The following IKZF4 variants were observed in gnomAD, a reference collection of about 807,000 sequenced individuals.
IKZF4 encodes the protein zinc finger protein Eos.
A neutral mutation model predicts 47.7 loss-of-function variants in IKZF4; 11 were observed. The ratio of observed to expected loss-of-function variants is 0.23; its 90% CI spans 0.15 to 0.38. The LOEUF (loss-of-function observed/expected upper bound fraction) is 0.38, where lower values mean the gene tolerates loss of function less well. Ranked by LOEUF, IKZF4 falls within the 10% of genes least tolerant of loss-of-function variation. IKZF4 has a pLI of 1.00. For missense variants in IKZF4, 557 were observed against 784.9 expected, an observed-to-expected ratio of 0.71 and a Z score of 3.47; for synonymous variants, 298 against 299.4, an observed-to-expected ratio of 1.00 and a Z score of 0.05.
intron 5 of IKZF4, 85 bp from the exon 6 acceptor site, chr12:56,032,476 G>C: frequency 1.5e-6 from 2 of 1,347,240 alleles, no homozygotes; most frequent in Non-Finnish European, 1.0e-6. Context: ...TCCCATGCCA[G>C]TGTATACTTG....
intron 7 of IKZF4, 149 bp downstream of exon 7, chr12:56,033,470 G>T: frequency 5.6e-6 from 5 of 888,262 alleles, no homozygotes; most frequent in Non-Finnish European, 8.8e-6. Flanking sequence ...CACTTTGGGA[G>T]GCCAAGGTGG....
intron 1 of IKZF4, among the ~76,000 whole-genome samples, chr12:56,008,106 C>T (rs1890920343): frequency 6.6e-6 from 1 of 151,804 alleles, no homozygotes; most frequent in South Asian, 2.1e-4. Flanking sequence ...GGTATCTGAA[C>T]AAAAAAAGCG....
intron 3 of IKZF4, 151 bp from the exon 4 acceptor site, chr12:56,026,630 G>A (rs1421288667): frequency 1.5e-5 from 11 of 748,342 alleles, no homozygotes; most frequent in Middle Eastern, 4.0e-4. Flanking sequence ...TGGAGGTTGC[G>A]TCGAGCCAAA....
intron 1 of IKZF4, among the ~76,000 whole-genome samples, chr12:56,023,378 A>T (rs1230141014): frequency 6.6e-6 from 1 of 152,226 alleles, no homozygotes; most frequent in East Asian, 1.9e-4. Context: ...TTGAAAGGAT[A>T]TATTTAAAAC....
chr12:56,037,748 A>C lies in IKZF4; in HGVS notation c.*2417A>C, dbSNP rs1296886329. 6.6e-6 allele frequency: 1 copy of C among 152,436 alleles called. No individual in the cohort carries two copies. The highest frequency in any genetic ancestry group is 2.4e-5 in the African/African-American group (1 of 41,364). The allele number at this position is 152,436 out of a possible 1,614,324, so 9.4% of individuals were successfully genotyped here. On this transcript the variant is annotated 3_prime_UTR_variant, in exon 8 of 8. Coordinates refer to ENST00000547167, the MANE Select transcript of IKZF4 (RefSeq NM_022465.4). The stretch of plus-strand genomic sequence containing the variant: ...TCCAGACCATCACTGCACTTTAACC[A>C]GGGTCTTAGGTACAAAATCCTACTT...
At chr12:56,015,812 A>G (rs1253329694) in intron 2 of IKZF4, among the ~76,000 whole-genome samples, 2 of 152,144 alleles carry the variant, frequency 1.3e-5, no homozygotes, top group African/African-American at 2.4e-5. Context: ...CTCTATCTCA[A>G]GTTTTGTGGC....
At chr12:56,027,693 G>C in intron 4 of IKZF4, 87 bp from the exon 5 acceptor site, 1 of 1,402,624 alleles carries the variant, frequency 7.1e-7, no homozygotes, top group Admixed American at 1.9e-5. Flanking sequence ...CCTTCCCTTG[G>C]GCAAGGTAGG....
chr12:56,033,647 C>A (rs1203418277), intron 7 of IKZF4, among the ~76,000 whole-genome samples: 1 of 152,014 alleles, frequency 6.6e-6, no homozygotes, highest in East Asian at 1.9e-4. Flanking sequence ...GCGGAGCTTG[C>A]AGTGAGCGGA....
chr12:56,020,688 G>A (rs755922780), upstream of IKZF4, among the ~76,000 whole-genome samples: 2 of 152,162 alleles, frequency 1.3e-5, no homozygotes, highest in Non-Finnish European at 1.5e-5. Context: ...GCACAGGAAG[G>A]GGGGGAAATG....
At position 56,025,164 on chromosome 12, in the gene IKZF4, T is replaced by C. The variant is rs1481130451; in HGVS notation, c.286+6T>C. On this transcript the variant is annotated splice_donor_region_variant and intron_variant, in intron 3 of 7. Coordinates refer to ENST00000547167, the MANE Select transcript of IKZF4 (RefSeq NM_022465.4). The stretch of plus-strand genomic sequence containing the variant: ...TCCTAGCCGCTCACTCAGTGGTAAG[T>C]GTAACCTCCTACCACCTCCTGGCAG... 2 of 1,564,822 alleles carry C rather than the reference T, an allele frequency of 1.3e-6. No homozygotes were observed. Among genetic ancestry groups the C allele is most frequent in the Non-Finnish European group, 1.7e-6 (2 of 1,158,246 alleles).
rs1239439746 is a variant in IKZF4 at position 56,031,425 on chromosome 12, G to A, written c.716-1136G>A. Among the ~76,000 whole-genome samples, 5 of 152,254 alleles carry A rather than the reference G, an allele frequency of 3.3e-5. No homozygotes were observed. In the East Asian group the frequency reaches 5.8e-4, roughly 18 times the overall value. ...TTTGAAAAAAAAGAAAGCGGTTGGA[G>A]GATCATTCCTCTCCCAGATGTTAAA... On this transcript the variant is annotated intron_variant, in intron 5 of 7. Transcript: ENST00000547167.
chr12:56,026,084 C>T (rs73338347), intron 3 of IKZF4, among the ~76,000 whole-genome samples: 265 of 152,182 alleles, frequency 1.7e-3, no homozygotes, highest in African/African-American at 6.1e-3. Flanking sequence ...TACAGGCGTA[C>T]ACCACCATGC....
upstream of IKZF4, chr12:56,018,289 C>T (rs950920770): frequency 7.4e-6 from 5 of 674,528 alleles, no homozygotes; most frequent in Non-Finnish European, 1.1e-5. Context: ...CCTAGTCACA[C>T]AGCTAACACT....
chr12:56,034,583 T>C lies in IKZF4; in HGVS notation c.1010T>C (p.Met337Thr). The C allele has an allele frequency of 6.2e-7, 1 of 1,606,858 alleles. No homozygotes were observed. Among genetic ancestry groups the C allele is most frequent in the Non-Finnish European group, 8.5e-7 (1 of 1,175,310 alleles). Residue 337 changes from methionine to threonine, a missense_variant, in exon 8 of 8, where the codon ATG becomes ACG. Transcript: ENST00000547167. Reference sequence around the variant, plus strand: ...CTGTTCTCCACAGGCGAAAAGCAGATGCGCTTCAGCCTCTCAGACCTCCCC... The same window carrying C: ...CTGTTCTCCACAGGCGAAAAGCAGACGCGCTTCAGCCTCTCAGACCTCCCC... The part of the protein sequence containing the change: ...TPQKFVGEKQ[M>T]RFSLSDLPYD...
chr12:56,024,709 T>G, intron 2 of IKZF4: 1 of 1,155,634 alleles, frequency 8.7e-7, no homozygotes, highest in Non-Finnish European at 1.1e-6. Flanking sequence ...GGGAAGAATG[T>G]CTGTCCTGAA....
Position 56,021,499 on chromosome 12 carries a change from T to C in IKZF4, c.6T>C (p.His2=). The part of the protein sequence containing the change: M[H]TPPALPRRFQ... ...CCTGCCACTGAGACGCAGACATGCA[T>C]ACACCACCCGCACTCCCTCGCCGTT... Residue 2 remains histidine, a synonymous_variant, in exon 1 of 8, where the codon CAT becomes CAC. Transcript: ENST00000547167. 6.2e-7 allele frequency: 1 copy of C among 1,602,858 alleles called. No homozygotes were observed. The highest frequency in any genetic ancestry group is 8.5e-7 in the Non-Finnish European group (1 of 1,175,626).
chr12:56,012,333 G>T (rs1360489735), intron 2 of IKZF4, among the ~76,000 whole-genome samples: 1 of 145,758 alleles, frequency 6.9e-6, no homozygotes, highest in African/African-American at 2.6e-5. Flanking sequence ...GGAGTGCAAT[G>T]GCCCGATCTC....
chr12:56,017,289 G>A (rs1385098800), upstream of IKZF4, among the ~76,000 whole-genome samples: 2 of 131,364 alleles, frequency 1.5e-5, no homozygotes, highest in Admixed American at 1.8e-4. Flanking sequence ...TTGATGAGAG[G>A]GTGGGGATAA....
At chr12:56,015,918 G>A (rs1204099028) in intron 2 of IKZF4, among the ~76,000 whole-genome samples, 1 of 152,128 alleles carries the variant, frequency 6.6e-6, no homozygotes, top group Non-Finnish European at 1.5e-5. Flanking sequence ...TTATTGTGTG[G>A]CTTGTTCTAG....
Sources: allele counts gnomAD v4.1 joint callset (sites outside exome capture counted in the v4.1 genomes callset), GRCh38; gene constraint gnomAD v4.1.1; transcripts MANE v1.5; gene names NCBI Gene and HGNC (gene_info 2026-07-23, HGNC 2026-07-21).